Variants in NGEF observed in about 807,000 individuals in gnomAD.
NGEF encodes neuronal guanine nucleotide exchange factor.
NGEF carries 31 observed loss-of-function variants against 80.9 expected under a neutral mutation model. That is an observed-to-expected ratio of 0.38 (90% CI 0.29 to 0.52). The LOEUF is 0.52. Ranked by LOEUF, NGEF falls within the 20% of genes least tolerant of loss-of-function variation. NGEF has a pLI of 0.84. For synonymous variants in NGEF, 371 were observed against 370.2 expected, an observed-to-expected ratio of 1.00 and a Z score of -0.03; for missense variants, 709 against 926.2, an observed-to-expected ratio of 0.77 and a Z score of 3.04.
intron 3 of NGEF, among the ~76,000 whole-genome samples, chr2:232,932,202 T>C (rs1693229852): frequency 6.9e-6 from 1 of 144,474 alleles, no homozygotes; most frequent in South Asian, 2.2e-4. Context: ...TCTTGCTCTA[T>C]TGCCCAGGCT....
intron 5 of NGEF, among the ~76,000 whole-genome samples, chr2:232,899,018 ATG>A (rs1013351014): frequency 6.6e-6 from 1 of 151,650 alleles, no homozygotes; most frequent in Non-Finnish European, 1.5e-5. Context: ...GTGTGTTAAC[ATG>A]TGTGAGTGAA....
chr2:232,891,187 T>G (rs1203590545), intron 8 of NGEF, among the ~76,000 whole-genome samples, 171 bp downstream of exon 8: 1 of 152,174 alleles, frequency 6.6e-6, no homozygotes, highest in Non-Finnish European at 1.5e-5. Flanking sequence ...TGCGATGGGC[T>G]CCCTGGGAGC....
At chr2:232,953,509 TAAAA>T (rs71398762) in intron 3 of NGEF, among the ~76,000 whole-genome samples, 1,974 of 113,962 alleles carry the variant, frequency 0.017, 36 homozygotes, top group African/African-American at 0.049. Context: ...TTTTTTTTTT[TAAAA>T]AAAAAAGAAA....
intron 1 of NGEF, among the ~76,000 whole-genome samples, chr2:232,998,221 G>A (rs1394529104): frequency 6.6e-6 from 1 of 152,184 alleles, no homozygotes; most frequent in Non-Finnish European, 1.5e-5. Context: ...ACAACCCCAG[G>A]GGATGGGGTG....
At position 232,985,382 on chromosome 2, in the gene NGEF, C is replaced by T. The variant is rs534818441; in HGVS notation, c.-74-10418G>A. ...CTGTAATCTCAGCCCTTTGGGAGGC[C>T]GAGGCGGGCAGATCACCTGAGGTCA... On this transcript the variant is annotated intron_variant, in intron 1 of 14. Transcript: ENST00000264051. 3.7e-4 allele frequency among the ~76,000 whole-genome samples: 56 copies of T among 151,896 alleles called. 1 individual carries two copies. Among genetic ancestry groups the T allele is most frequent in the Non-Finnish European group, 7.8e-4 (53 of 67,998 alleles).
At chr2:232,909,211 T>G (rs1201215856) in intron 5 of NGEF, among the ~76,000 whole-genome samples, 3 of 152,196 alleles carry the variant, frequency 2.0e-5, no homozygotes, top group African/African-American at 7.2e-5. Context: ...TCTTTATAAA[T>G]CTCAAAAAAG....
intron 3 of NGEF, among the ~76,000 whole-genome samples, chr2:232,932,250 C>A (rs1386974715): frequency 1.3e-5 from 2 of 148,784 alleles, no homozygotes; most frequent in Admixed American, 6.9e-5. Context: ...CTGCAAGCTC[C>A]ACCTCCTGGG....
At chr2:232,980,074 G>A (rs1694379691) in intron 1 of NGEF, among the ~76,000 whole-genome samples, 1 of 152,146 alleles carries the variant, frequency 6.6e-6, no homozygotes, top group Non-Finnish European at 1.5e-5. Context: ...CCTGTGATGT[G>A]GTCAAAAGAT....
intron 4 of NGEF, among the ~76,000 whole-genome samples, chr2:232,920,934 T>C (rs1458577192): frequency 6.6e-6 from 1 of 152,220 alleles, no homozygotes; most frequent in Non-Finnish European, 1.5e-5. Context: ...GTCCCAACTG[T>C]GTCTCATTAT....
rs1694515853 is a variant in NGEF at position 232,985,549 on chromosome 2, G to A, written c.-74-10585C>T. ...GGGCGGATCACGAGGTCAGCAGATC[G>A]AGACCATCCTGGCTAACATGGTGAA... On this transcript the variant is annotated intron_variant, in intron 1 of 14. Coordinates refer to ENST00000264051, the MANE Select transcript of NGEF (RefSeq NM_019850.3). Among the ~76,000 whole-genome samples, 4 of 151,622 alleles carry A rather than the reference G, an allele frequency of 2.6e-5. No homozygotes were observed. In the South Asian group the frequency reaches 6.3e-4, roughly 24 times the overall value.
At chr2:232,915,494 G>A (rs1044979516) in intron 5 of NGEF, among the ~76,000 whole-genome samples, 14 of 152,064 alleles carry the variant, frequency 9.2e-5, no homozygotes, top group Admixed American at 3.3e-4. Context: ...ATTACATGTC[G>A]TGTTCAGCAG....
chr2:232,971,499 A>G (rs1408198003), intron 2 of NGEF, among the ~76,000 whole-genome samples: 1 of 152,170 alleles, frequency 6.6e-6, no homozygotes, highest in African/African-American at 2.4e-5. Context: ...AGCCTGGCCA[A>G]CATGGTGAAA....
rs116454694 is a variant in NGEF, at chr2:232,955,226, G to A, written c.383+14988C>T. Among the ~76,000 whole-genome samples, 1,486 of 152,258 alleles carry A rather than the reference G, an allele frequency of 9.8e-3. 21 individuals are homozygous for A. Among genetic ancestry groups the A allele is most frequent in the African/African-American group, 0.034 (1,417 of 41,522 alleles). On this transcript the variant is annotated intron_variant, in intron 3 of 14. Transcript: ENST00000264051. The stretch of plus-strand genomic sequence containing the variant: ...ACTTTTTAGAAACTTTTCCTGAGCC[G>A]TTGGAGGGTCAGCTGCCGACCTGAC...
intron 9 of NGEF, among the ~76,000 whole-genome samples, chr2:232,887,072 C>G (rs1691716187): frequency 6.6e-6 from 1 of 152,206 alleles, no homozygotes; most frequent in Non-Finnish European, 1.5e-5. Flanking sequence ...CTCAATGTGG[C>G]TGAGAATGAC....
intron 3 of NGEF, among the ~76,000 whole-genome samples, chr2:232,943,383 G>A (rs1021467793): frequency 6.6e-6 from 1 of 152,034 alleles, no homozygotes; most frequent in African/African-American, 2.4e-5. Flanking sequence ...ATTTCTTCTC[G>A]TTGAAAACTC....
At chr2:232,943,954 C>T (rs905792510) in intron 3 of NGEF, among the ~76,000 whole-genome samples, 6 of 151,448 alleles carry the variant, frequency 4.0e-5, no homozygotes, top group East Asian at 2.0e-4. Flanking sequence ...AAGTGCAGGC[C>T]GGGCGCGGTG....
chr2:232,929,972 C>T (rs766621687), intron 3 of NGEF, among the ~76,000 whole-genome samples: 8 of 152,270 alleles, frequency 5.3e-5, no homozygotes, highest in Admixed American at 2.6e-4. Flanking sequence ...TTGCTTGGAT[C>T]TCATTCTCTC....
intron 1 of NGEF, among the ~76,000 whole-genome samples, chr2:233,012,453 C>T (rs1173675205): frequency 6.6e-6 from 1 of 152,208 alleles, no homozygotes; most frequent in Non-Finnish European, 1.5e-5. Flanking sequence ...CTGAAAGGGG[C>T]CCCTGAGCGG....
At chr2:233,005,844 T>C (rs546661848) in intron 1 of NGEF, among the ~76,000 whole-genome samples, 20 of 152,244 alleles carry the variant, frequency 1.3e-4, no homozygotes, top group South Asian at 1.0e-3. Context: ...TGAGACAGAG[T>C]CTTGCTCTGC....
Sources: gnomAD v4.1 joint callset for allele counts (sites outside exome capture counted in the v4.1 genomes callset) on GRCh38, gnomAD v4.1.1 for gene constraint, MANE v1.5 for transcripts, NCBI Gene and HGNC (gene_info 2026-07-23, HGNC 2026-07-21) for gene names.